INPP5A: variants seen among roughly 807,000 people sequenced by gnomAD.
INPP5A encodes the protein 43 kDa inositol polyphosphate 5-phophatase.
Under a neutral mutation model 65.2 loss-of-function variants are expected in INPP5A, and 14 were observed. That is an observed-to-expected ratio of 0.21 (90% CI 0.14 to 0.34). The LOEUF (loss-of-function observed/expected upper bound fraction) is 0.34, where lower values mean the gene tolerates loss of function less well. Ranked by LOEUF, INPP5A falls within the 10% of genes least tolerant of loss-of-function variation. The probability of loss-of-function intolerance (pLI) is 1.00; values close to 1 mark genes in which losing one functional copy is unlikely to be tolerated. For missense variants in INPP5A, 431 were observed against 545.6 expected (o/e 0.79, Z 2.09); for synonymous variants, 207 against 208.3 (o/e 0.99, Z 0.05).
At chr10:132,772,860 A>G (rs1273783460) in intron 12 of INPP5A, among the ~76,000 whole-genome samples, 1 of 111,032 alleles carries the variant, frequency 9.0e-6, no homozygotes. Flanking sequence ...TGGGACGGAC[A>G]CTCAGCACTG....
chr10:132,584,636 G>A (rs1411310619), intron 1 of INPP5A, among the ~76,000 whole-genome samples: 2 of 152,010 alleles, frequency 1.3e-5, no homozygotes, highest in African/African-American at 2.4e-5. Context: ...GGTAATTTGT[G>A]TCTTTTATTC....
rs2072759808 is a variant in INPP5A at position 132,663,267 on chromosome 10, G to C, written c.306+12762G>C. Among the ~76,000 whole-genome samples the C allele has an allele frequency of 6.6e-6, 1 of 152,152 alleles. No individual in the cohort carries two copies. The highest frequency in any genetic ancestry group is 2.1e-4 in the South Asian group (1 of 4,828). On this transcript the variant is annotated intron_variant, in intron 4 of 15. Transcript: ENST00000368594. The surrounding 1 kb of genome is among the most constrained non-coding windows in gnomAD (Gnocchi z 4.5). The stretch of plus-strand genomic sequence containing the variant: ...CACAGGATGTCACTCTGTTGCCCAG[G>C]CTGGAGTGCAGTAGTGCAATCGTGG...
intron 2 of INPP5A, among the ~76,000 whole-genome samples, chr10:132,631,283 G>A (rs2072269969): frequency 1.3e-5 from 2 of 152,326 alleles, no homozygotes; most frequent in East Asian, 1.9e-4. Flanking sequence ...CTGACCAGGG[G>A]CCTGTGGGAA....
rs1408222963 is a variant in INPP5A, at chr10:132,587,739, C to T, written c.76-20176C>T. ...TAGAATTTGGCCGGGCATGGTGGCTCATGCCTGTAATCCCCCAGCACTTTG... is the reference window on the plus strand; with the variant it reads ...TAGAATTTGGCCGGGCATGGTGGCTTATGCCTGTAATCCCCCAGCACTTTG... On this transcript the variant is annotated intron_variant, in intron 1 of 15. Transcript: ENST00000368594. This position sits in a 1 kb window ranked among gnomAD's most constrained non-coding sequence, Gnocchi z 4.3. Among the ~76,000 whole-genome samples the T allele has an allele frequency of 2.0e-5, 3 of 152,156 alleles. No homozygotes were observed. The highest frequency in any genetic ancestry group is 4.4e-5 in the Non-Finnish European group (3 of 68,034).
chr10:132,651,061 A>G lies in INPP5A; in HGVS notation c.306+556A>G, dbSNP rs901604097. On this transcript the variant is annotated intron_variant, in intron 4 of 15. Coordinates refer to ENST00000368594, the MANE Select transcript of INPP5A (RefSeq NM_005539.5). The surrounding 1 kb of genome is among the most constrained non-coding windows in gnomAD (Gnocchi z 5.0). ...CTGCGGTCCTCTGTCAGGTGGACACATGAGAGGGTGGCCCTGGTGGACGTG... is the reference window on the plus strand; with the variant it reads ...CTGCGGTCCTCTGTCAGGTGGACACGTGAGAGGGTGGCCCTGGTGGACGTG... Among the ~76,000 whole-genome samples the G allele has an allele frequency of 6.6e-5, 10 of 152,254 alleles. No individual in the cohort carries two copies. The highest frequency in any genetic ancestry group is 2.4e-4 in the African/African-American group (10 of 41,558).
At chr10:132,722,427 T>C (rs1169650682) in intron 8 of INPP5A, among the ~76,000 whole-genome samples, 1 of 152,188 alleles carries the variant, frequency 6.6e-6, no homozygotes, top group Non-Finnish European at 1.5e-5. Flanking sequence ...TCGAGTCTGA[T>C]ATTTTTTAGG....
At chr10:132,620,291 T>C (rs1239522286) in intron 2 of INPP5A, among the ~76,000 whole-genome samples, 3 of 152,262 alleles carry the variant, frequency 2.0e-5, no homozygotes, top group Non-Finnish European at 2.9e-5. Flanking sequence ...ACAGCCTTTT[T>C]GATTTTCTTT....
intron 1 of INPP5A, among the ~76,000 whole-genome samples, chr10:132,579,035 A>G (rs1382155889): frequency 2.0e-5 from 3 of 152,104 alleles, no homozygotes; most frequent in Non-Finnish European, 4.4e-5. Flanking sequence ...CCACACCTGT[A>G]TGGTTGAACT....
intron 9 of INPP5A, among the ~76,000 whole-genome samples, chr10:132,729,024 G>A (rs1266529366): frequency 6.9e-6 from 1 of 144,894 alleles, no homozygotes; most frequent in Non-Finnish European, 1.5e-5. Context: ...AGCAGGCGTG[G>A]GGGGCCTGGA....
intron 4 of INPP5A, among the ~76,000 whole-genome samples, chr10:132,689,968 C>T (rs545865076): frequency 1.3e-5 from 2 of 152,366 alleles, no homozygotes; most frequent in Admixed American, 1.3e-4. Context: ...CTGGTCCACT[C>T]AATGCCCGGC....
intron 1 of INPP5A, among the ~76,000 whole-genome samples, chr10:132,584,342 A>T (rs1316344793): frequency 2.0e-5 from 3 of 152,174 alleles, no homozygotes; most frequent in African/African-American, 7.2e-5. Context: ...TGTTTAATGG[A>T]ATTTACCAGT....
chr10:132,730,439 A>G (rs1590964522), intron 9 of INPP5A, among the ~76,000 whole-genome samples: 1 of 152,238 alleles, frequency 6.6e-6, no homozygotes, highest in Admixed American at 6.5e-5. Context: ...GCTGCAGGAC[A>G]GTTCACGTCT....
intron 1 of INPP5A, among the ~76,000 whole-genome samples, chr10:132,579,802 C>G (rs989605510): frequency 6.6e-6 from 1 of 151,892 alleles, no homozygotes; most frequent in Non-Finnish European, 1.5e-5. Flanking sequence ...ATTCACAGGG[C>G]CCTATTTTCG....
chr10:132,732,531 A>G (rs954531019), intron 9 of INPP5A, among the ~76,000 whole-genome samples: 1 of 152,244 alleles, frequency 6.6e-6, no homozygotes, highest in Non-Finnish European at 1.5e-5. Flanking sequence ...TCATCAACAC[A>G]GTCGTCAGCT....
intron 4 of INPP5A, among the ~76,000 whole-genome samples, chr10:132,679,430 T>G (rs967261572): frequency 6.6e-6 from 1 of 151,952 alleles, no homozygotes; most frequent in African/African-American, 2.4e-5. Flanking sequence ...CTCCATGCTG[T>G]ACACACAAGA....
At position 132,553,992 on chromosome 10, in the gene INPP5A, A is replaced by G. The variant is rs189117252; in HGVS notation, c.75+15821A>G. On this transcript the variant is annotated intron_variant, in intron 1 of 15. Coordinates refer to ENST00000368594, the MANE Select transcript of INPP5A (RefSeq NM_005539.5). ...TTCTCAGAGCCTTGGTGGAATATTG[A>G]GTGGGATAGGGAGAGAGGATTGGTG... Among the ~76,000 whole-genome samples, 63 of 147,028 alleles carry G rather than the reference A, an allele frequency of 4.3e-4. No individual in the cohort carries two copies. In the East Asian group the frequency reaches 0.011, roughly 26 times the overall value.
intron 1 of INPP5A, among the ~76,000 whole-genome samples, chr10:132,594,504 G>A (rs1269503696): frequency 6.6e-6 from 1 of 151,902 alleles, no homozygotes; most frequent in African/African-American, 2.4e-5. Context: ...TGGTGAGTGT[G>A]TGGGGTGCGT....
At chr10:132,726,109 C>T (rs146030058) in intron 8 of INPP5A, among the ~76,000 whole-genome samples, 11 of 152,146 alleles carry the variant, frequency 7.2e-5, no homozygotes, top group African/African-American at 1.4e-4. Flanking sequence ...TAAGGGAAGC[C>T]GCAGTGGAAA....
chr10:132,768,068 C>G (rs560733989), intron 12 of INPP5A, among the ~76,000 whole-genome samples: 1 of 145,236 alleles, frequency 6.9e-6, no homozygotes, highest in Non-Finnish European at 1.5e-5. Flanking sequence ...GCCCACGCAC[C>G]CAATGGCATT....
Sources: gnomAD v4.1 joint callset for allele counts (sites outside exome capture counted in the v4.1 genomes callset) on GRCh38, gnomAD v4.1.1 for gene constraint, Gnocchi (gnomAD v3.1) non-coding constraint, MANE v1.5 for transcripts, NCBI Gene and HGNC (gene_info 2026-07-23, HGNC 2026-07-21) for gene names.